The following CD99 variants were observed in gnomAD, a reference collection of about 807,000 sequenced individuals.
CD99 encodes the protein CD99 molecule (Xg blood group).
Under a neutral mutation model 28.4 loss-of-function variants are expected in CD99, and 19 were observed. The observed-to-expected ratio is 0.67, with a 90% CI of 0.47 to 0.98. The LOEUF is 0.98. CD99 is among the 50% of genes least tolerant of loss of function. The probability of loss-of-function intolerance (pLI) is 0.00; values close to 1 mark genes in which losing one functional copy is unlikely to be tolerated. For missense variants in CD99, 283 were observed against 248.8 expected (o/e 1.14, Z -0.92); for synonymous variants, 103 against 92.1 (o/e 1.12, Z -0.67).
At chrX:2,707,590 C>T (rs1192598559) in intron 1 of CD99, among the ~76,000 whole-genome samples, 5 of 152,164 alleles carry the variant, frequency 3.3e-5, no homozygotes, top group East Asian at 3.9e-4. Flanking sequence ...TGCCATCTGT[C>T]GTCCGTTCCG....
chrX:2,731,188 T>C lies in CD99; in HGVS notation c.475+4815T>C, dbSNP rs762432617. 1.7e-3 allele frequency among the ~76,000 whole-genome samples: 255 copies of C among 152,338 alleles called. 1 individual carries two copies. The highest frequency in any genetic ancestry group is 5.9e-3 in the African/African-American group (246 of 41,574). On this transcript the variant is annotated intron_variant, in intron 8 of 9. Coordinates refer to ENST00000381192, the MANE Select transcript of CD99 (RefSeq NM_002414.5). The stretch of plus-strand genomic sequence containing the variant: ...GCCTCTGGGGCAGGATTTTGCTTTA[T>C]GGGTTCGATTTCCGGGATGGTGATT...
chrX:2,725,535 T>C (rs1161427168), intron 7 of CD99, among the ~76,000 whole-genome samples: 1 of 152,220 alleles, frequency 6.6e-6, no homozygotes, highest in Non-Finnish European at 1.5e-5. Context: ...CCCCAAGCAT[T>C]GCAGGTCTTT....
rs2049048556 is a variant in CD99, at chrX:2,722,623, C to T, written c.263-4C>T. On this transcript the variant is annotated splice_polypyrimidine_tract_variant and splice_region_variant and intron_variant, in intron 5 of 9. Coordinates refer to ENST00000381192, the MANE Select transcript of CD99 (RefSeq NM_002414.5). ...GACAGGTGATGCTGTATTTTCTTTCCTAGGTAGCTTTTCAGATGCTGACCT... is the reference window on the plus strand; with the variant it reads ...GACAGGTGATGCTGTATTTTCTTTCTTAGGTAGCTTTTCAGATGCTGACCT... 1.2e-6 allele frequency: 2 copies of T among 1,613,858 alleles called. No individual in the cohort carries two copies. The highest frequency in any genetic ancestry group is 2.7e-5 in the African/African-American group (2 of 75,016).
rs141423645 is a variant in CD99 at position 2,738,233 on chromosome X, G to A, written c.509G>A (p.Arg170Gln). 2.8e-4 allele frequency: 449 copies of A among 1,613,932 alleles called. No individual in the cohort carries two copies. The African/African-American group carries it at 3.3e-3, about 12-fold the overall frequency. Residue 170 changes from arginine to glutamine, a missense_variant, in exon 9 of 10, where the codon CGG becomes CAG. Arg to Gln is a conservative substitution (Grantham distance 43, BLOSUM62 1). Transcript: ENST00000381192. ...EQGEVDMESH[R>Q]NANAEPAVQR... is the part of the protein sequence containing the mutation. The stretch of plus-strand genomic sequence containing the variant: ...GGGGAGGTGGACATGGAGAGCCACC[G>A]GAATGCCAACGCAGAGCCAGCTGGT...
intron 1 of CD99, among the ~76,000 whole-genome samples, chrX:2,712,536 GATC>G (rs2048456792): frequency 6.6e-6 from 1 of 152,052 alleles, no homozygotes; most frequent in Non-Finnish European, 1.5e-5. Flanking sequence ...GTTTATTCTG[GATC>G]AGTAGGATCC....
At chrX:2,717,430 C>T in intron 2 of CD99, 175 bp from the exon 3 acceptor site, 1 of 604,948 alleles carries the variant, frequency 1.7e-6, no homozygotes, top group South Asian at 2.2e-5. Flanking sequence ...TGTCTGTCTT[C>T]TGGGCTCAAG....
At chrX:2,722,865 G>C (rs940227133) in intron 6 of CD99, among the ~76,000 whole-genome samples, 191 bp downstream of exon 6, 25 of 152,156 alleles carry the variant, frequency 1.6e-4, no homozygotes, top group African/African-American at 6.0e-4. Flanking sequence ...GCCCCGTAGA[G>C]GTTCGGTCCT....
At chrX:2,716,479 G>A (rs1292439033) in intron 2 of CD99, among the ~76,000 whole-genome samples, 1 of 152,104 alleles carries the variant, frequency 6.6e-6, no homozygotes, top group African/African-American at 2.4e-5. Context: ...TGGGACTACA[G>A]GCATGTGCCA....
intron 1 of CD99, among the ~76,000 whole-genome samples, chrX:2,713,682 G>A (rs757325947): frequency 5.9e-5 from 9 of 152,208 alleles, no homozygotes; most frequent in South Asian, 2.1e-4. Flanking sequence ...TGGACCCCTC[G>A]CCACCCACCG....
chrX:2,717,158 C>G (rs1375573080), intron 2 of CD99, among the ~76,000 whole-genome samples: 1 of 151,954 alleles, frequency 6.6e-6, no homozygotes, highest in Non-Finnish European at 1.5e-5. Flanking sequence ...ACCAACCTGG[C>G]CAACGTGGTG....
chrX:2,705,183 T>G (rs1232772039), intron 1 of CD99, among the ~76,000 whole-genome samples: 1 of 152,230 alleles, frequency 6.6e-6, no homozygotes, highest in Non-Finnish European at 1.5e-5. Context: ...CAGATTGCGC[T>G]GGACTCAGCG....
In CD99 at chrX:2,693,885, C is replaced by T. The variant is rs560459656; in HGVS notation, c.67+2458C>T. Among the ~76,000 whole-genome samples the T allele has an allele frequency of 6.6e-5, 10 of 152,310 alleles. 1 individual carries two copies. Among genetic ancestry groups the T allele is most frequent in the African/African-American group, 2.2e-4 (9 of 41,580 alleles). ...TTTTGGTTGCCACCCTGGGGTGGGA[C>T]ATCCCACCATCCTGCAATGGGTGGG... On this transcript the variant is annotated intron_variant, in intron 1 of 9. Coordinates refer to ENST00000381192, the MANE Select transcript of CD99 (RefSeq NM_002414.5).
chrX:2,726,337 G>T lies in CD99; in HGVS notation c.439G>T (p.Ala147Ser), dbSNP rs751660625. 8.7e-6 allele frequency: 14 copies of T among 1,611,352 alleles called. No homozygotes were observed. The East Asian group carries it at 3.1e-4, about 36-fold the overall frequency. ...AVAGAISSFI[A>S]YQKKKLCFKE... ...GGCTGGAGCCATCTCTAGCTTCATT[G>T]CTTACCAGAAAAAGAAGCTATGCTT... Residue 147 changes from alanine to serine, a missense_variant, in exon 8 of 10, where the codon GCT (alanine) becomes TCT (serine). Transcript: ENST00000381192.
intron 1 of CD99, among the ~76,000 whole-genome samples, chrX:2,692,843 G>A (rs1267494251): frequency 6.6e-6 from 1 of 152,168 alleles, no homozygotes; most frequent in Non-Finnish European, 1.5e-5. Flanking sequence ...TGGGCTTGGG[G>A]TCAGGGAAAT....
Position 2,720,392 on chromosome X carries a change from C to T in CD99, c.230C>T (p.Pro77Leu). 6.2e-7 allele frequency: 1 copy of T among 1,613,774 alleles called. No homozygotes were observed. The highest frequency in any genetic ancestry group is 8.5e-7 in the Non-Finnish European group (1 of 1,179,846). ...PRPPNPPKPM[P>L]NPNPNHPSSS... ...CCACCGAACCCACCCAAACCGATGC[C>T]AAATCCAAACCCCAACCACCCTAGT... is the stretch of plus-strand genomic sequence containing the variant. Residue 77 changes from proline (P) to leucine (L), a missense_variant, in exon 5 of 10, where the codon CCA becomes CTA. Transcript: ENST00000381192.
chrX:2,719,856 C>A (rs1039209274), intron 4 of CD99, 151 bp downstream of exon 4: 11 of 815,070 alleles, frequency 1.3e-5, no homozygotes, highest in Admixed American at 2.0e-5. Context: ...TTTGTTCTTG[C>A]TGTTGTCGTT....
chrX:2,701,613 T>G (rs311043), intron 1 of CD99, among the ~76,000 whole-genome samples: 70,028 of 151,972 alleles, frequency 0.46, 16,658 homozygotes, highest in Admixed American at 0.52. Context: ...AGACAAGCAG[T>G]AAGAGTGATG....
At position 2,740,763 on chromosome X, in the gene CD99, T is replaced by C. The variant is rs1452625159; in HGVS notation, c.533-16T>C. The C allele has an allele frequency of 6.2e-7, 1 of 1,613,734 alleles. No individual in the cohort carries two copies. The highest frequency in any genetic ancestry group is 1.1e-5 in the South Asian group (1 of 91,068). ...GGGACCTGGGAATGACTTTCTTTTG[T>C]CTCTGTCTCCCACAGTTCAGCGTAC... On this transcript the variant is annotated splice_polypyrimidine_tract_variant and intron_variant, in intron 9 of 9. Coordinates refer to ENST00000381192, the MANE Select transcript of CD99 (RefSeq NM_002414.5).
chrX:2,715,966 G>A (rs1434624019), intron 2 of CD99, among the ~76,000 whole-genome samples: 2 of 151,920 alleles, frequency 1.3e-5, no homozygotes, highest in Non-Finnish European at 2.9e-5. Flanking sequence ...GAGGTTTGGG[G>A]TGGGTGTGGA....
Sources: gnomAD v4.1 joint callset for allele counts (sites outside exome capture counted in the v4.1 genomes callset) on GRCh38, gnomAD v4.1.1 for gene constraint, MANE v1.5 for transcripts, NCBI Gene and HGNC (gene_info 2026-07-23, HGNC 2026-07-21) for gene names.